INPP5J: variants seen among roughly 807,000 people sequenced by gnomAD.
INPP5J encodes the protein phosphatidylinositol 4,5-bisphosphate 5-phosphatase A.
Under a neutral mutation model 86.6 loss-of-function variants are expected in INPP5J, and 75 were observed. The observed-to-expected ratio is 0.87, with a 90% confidence interval of 0.72 to 1.05. INPP5J has a LOEUF of 1.05. INPP5J is among the 50% of genes least tolerant of loss of function. The probability of loss-of-function intolerance (pLI) is 0.00; values close to 1 mark genes in which losing one functional copy is unlikely to be tolerated. For synonymous variants in INPP5J, 540 were observed against 550.0 expected (o/e 0.98, Z 0.25); for missense variants, 1,229 against 1,341.2 (o/e 0.92, Z 1.31).
At position 31,123,001 on chromosome 22, in the gene INPP5J, C is replaced by CG. The variant is rs987706011; in HGVS notation, c.-9dup. ...CCGGAGCCAAGGGAGTCCAGGCTGC[C>CG]GGGGGCTGCAGACATGGAGGGCCAG... is the stretch of plus-strand genomic sequence containing the variant. On this transcript the variant is annotated 5_prime_UTR_variant, in exon 1 of 13. Transcript: ENST00000331075. 7.0e-7 allele frequency: 1 copy of CG among 1,425,666 alleles called. No homozygotes were observed. Among genetic ancestry groups the CG allele is most frequent in the Non-Finnish European group, 9.2e-7 (1 of 1,088,596 alleles). 88.3% of individuals were successfully genotyped at this position (1,425,666 alleles called of 1,614,324 possible). A position where few individuals can be genotyped will look rare whatever the true frequency, so the allele number is the denominator to read the frequency against.
intron 10 of INPP5J, 67 bp downstream of exon 10, chr22:31,133,302 T>C: frequency 1.9e-6 from 3 of 1,601,214 alleles, no homozygotes; most frequent in Non-Finnish European, 2.6e-6. Context: ...CTGAACAGCA[T>C]GGTGGGGTCA....
intron 9 of INPP5J, among the ~76,000 whole-genome samples, chr22:31,129,244 T>TTTTTTTTC (rs1569288523): frequency 2.2e-5 from 3 of 138,480 alleles, no homozygotes; most frequent in Non-Finnish European, 4.7e-5. Flanking sequence ...TTTTTTTTTT[T>TTTTTTTTC]TTTTTTTTTC....
chr22:31,129,529 TG>T (rs1285612743), intron 9 of INPP5J, among the ~76,000 whole-genome samples: 2 of 140,066 alleles, frequency 1.4e-5, no homozygotes, highest in Non-Finnish European at 1.5e-5. Flanking sequence ...CATGAGCCAC[TG>T]TGCCCGGCGC....
At chr22:31,123,465 G>C (rs1047840686) in intron 1 of INPP5J, among the ~76,000 whole-genome samples, 1 of 152,154 alleles carries the variant, frequency 6.6e-6, no homozygotes, top group African/African-American at 2.4e-5. Context: ...GACTAAAACT[G>C]TGACATCTGG....
At position 31,125,210 on chromosome 22, in the gene INPP5J, C is replaced by T. The variant is rs1921258040; in HGVS notation, c.471C>T (p.Pro157=). The T allele has an allele frequency of 1.3e-6, 2 of 1,550,402 alleles. No homozygotes were observed. Among genetic ancestry groups the T allele is most frequent in the East Asian group, 2.4e-5 (1 of 40,918 alleles). Residue 157 remains proline (P), a synonymous_variant, in exon 2 of 13, where the codon CCC becomes CCT. Coordinates refer to ENST00000331075, the MANE Select transcript of INPP5J (RefSeq NM_001284285.2). ...GPRSPPVTLG[P]NLAPTSRDQK... Reference sequence around the variant, plus strand: ...GATCTCCCCCAGTCACCCTGGGGCCCAATCTGGCCCCAACCTCCAGAGACC... The same window carrying T: ...GATCTCCCCCAGTCACCCTGGGGCCTAATCTGGCCCCAACCTCCAGAGACC...
chr22:31,124,777 C>T, intron 1 of INPP5J, 68 bp from the exon 2 acceptor site: 1 of 1,358,150 alleles, frequency 7.4e-7, no homozygotes, highest in Non-Finnish European at 1.0e-6. Context: ...CTGCCAGGGT[C>T]TATATGGAAG....
rs776311366 is a variant in INPP5J, at chr22:31,133,596, C to G, written c.2410-14C>G. 1 of 1,605,546 alleles carries G rather than the reference C, an allele frequency of 6.2e-7. No individual in the cohort carries two copies. The highest frequency in any genetic ancestry group is 8.5e-7 in the Non-Finnish European group (1 of 1,174,488). On this transcript the variant is annotated splice_polypyrimidine_tract_variant and intron_variant, in intron 11 of 12. Coordinates refer to ENST00000331075, the MANE Select transcript of INPP5J (RefSeq NM_001284285.2). ...CTGACCCCCAACTTAGGCTTATACC[C>G]CTGGGCCTACCAGGTAACATTCAGT...
chr22:31,126,299 C>T, intron 2 of INPP5J, 77 bp from the exon 3 acceptor site: 1 of 1,247,616 alleles, frequency 8.0e-7, no homozygotes, highest in Non-Finnish European at 1.1e-6. Flanking sequence ...TTTAGTTCCC[C>T]AGGGAGTCCT....
rs1238230823 is a variant in INPP5J, at chr22:31,123,070, G to T, written c.56G>T (p.Gly19Val). Residue 19 changes from glycine (G) to valine (V), a missense_variant, in exon 1 of 13, where the codon GGT becomes GTT. Physicochemically the swap from Gly to Val is moderately radical, Grantham distance 109. Coordinates refer to ENST00000331075, the MANE Select transcript of INPP5J (RefSeq NM_001284285.2). ...SRRPGTRAGL[G>V]SLPMPQGVAQ... Reference sequence around the variant, plus strand: ...AGGCCAGGGACCCGGGCTGGCCTGGGTTCCCTGCCCATGCCCCAGGGTGTT... The same window carrying T: ...AGGCCAGGGACCCGGGCTGGCCTGGTTTCCCTGCCCATGCCCCAGGGTGTT... The T allele has an allele frequency of 6.7e-7, 1 of 1,484,912 alleles. No homozygotes were observed. Among genetic ancestry groups the T allele is most frequent in the Non-Finnish European group, 8.9e-7 (1 of 1,120,802 alleles). 92.0% of individuals were successfully genotyped at this position (1,484,912 alleles called of 1,614,324 possible).
At position 31,128,165 on chromosome 22, in the gene INPP5J, C is replaced by T. The variant is rs144746268; in HGVS notation, c.1900-49C>T. ...ACCTGCCCCACCCCCTCCCTGGGCA[C>T]AGCAGAGCCCAAGCTGTTGTCCAAT... On this transcript the variant is annotated intron_variant, in intron 7 of 12. Coordinates refer to ENST00000331075, the MANE Select transcript of INPP5J (RefSeq NM_001284285.2). The T allele has an allele frequency of 7.5e-3, 11,041 of 1,479,910 alleles. 61 individuals carry two copies. The highest frequency in any genetic ancestry group is 0.013 in the Middle Eastern group (73 of 5,824). 91.7% of individuals were successfully genotyped at this position (1,479,910 alleles called of 1,614,324 possible).
chr22:31,128,282 C>T lies in INPP5J; in HGVS notation c.1968C>T (p.Pro656=), dbSNP rs867686262. ...AGGAGGGGCCCCTCAACTTCGCTCC[C>T]ACCTTCAAGTTTGATGTGGGTACCA... ...GFQEGPLNFA[P]TFKFDVGTNK... is the part of the protein sequence containing the mutation. Residue 656 remains proline, a synonymous_variant, in exon 8 of 13, where the codon CCC becomes CCT. Coordinates refer to ENST00000331075, the MANE Select transcript of INPP5J (RefSeq NM_001284285.2). The T allele has an allele frequency of 7.5e-6, 12 of 1,599,958 alleles. No individual in the cohort carries two copies. Among genetic ancestry groups the T allele is most frequent in the African/African-American group, 2.7e-5 (2 of 74,618 alleles).
chr22:31,128,263 G>A lies in INPP5J; in HGVS notation c.1949G>A (p.Gly650Glu), dbSNP rs199758989. The A allele has an allele frequency of 6.8e-4, 1,088 of 1,602,024 alleles. 4 individuals carry two copies. Among genetic ancestry groups the A allele is most frequent in the South Asian group, 1.4e-3 (128 of 88,944 alleles). ...TWPILKGFQE[G>E]PLNFAPTFKF... ...CCCATTCTGAAGGGCTTTCAGGAGGGGCCCCTCAACTTCGCTCCCACCTTC... is the reference window on the plus strand; with the variant it reads ...CCCATTCTGAAGGGCTTTCAGGAGGAGCCCCTCAACTTCGCTCCCACCTTC... The change falls in exon 8 of 13, where the codon GGG (glycine) becomes GAG (glutamate). Residue 650 changes from glycine to glutamate, a missense_variant. By Grantham distance (98) the Gly-to-Glu change is moderately conservative (BLOSUM62 -2). Coordinates refer to ENST00000331075, the MANE Select transcript of INPP5J (RefSeq NM_001284285.2).
intron 9 of INPP5J, among the ~76,000 whole-genome samples, chr22:31,131,579 T>A (rs1486099504): frequency 2.0e-5 from 3 of 150,618 alleles, no homozygotes; most frequent in Non-Finnish European, 3.0e-5. Flanking sequence ...AAAAAAAAAA[T>A]TCCCATTGAG....
chr22:31,126,746 C>T (rs2147873898), intron 4 of INPP5J, 25 bp downstream of exon 4: 1 of 1,577,952 alleles, frequency 6.3e-7, no homozygotes, highest in Non-Finnish European at 8.7e-7. Context: ...ACCCCCTGGA[C>T]AGCCAGAGAC....
Position 31,126,999 on chromosome 22 carries a change from CA to C in INPP5J, c.1574del (p.Gln525ArgfsTer19), listed in dbSNP as rs750836301. On this transcript the variant is annotated frameshift_variant, in exon 5 of 13. Coordinates refer to ENST00000331075, the MANE Select transcript of INPP5J (RefSeq NM_001284285.2). LOFTEE classifies it high-confidence loss of function. ...YYHLPFLRDVQTDCTRTGLGG... is the reference protein window; with the variant it reads ...YYHLPFLRDVXTDCTRTGLGG... ...CCACCTGCCCTTCCTGCGAGACGTG[CA>C]GACCGACTGCACGCGCACTGGCCTG... 5 of 1,608,540 alleles carry C rather than the reference CA, an allele frequency of 3.1e-6. No individual in the cohort carries two copies. In the South Asian group the frequency reaches 3.3e-5, roughly 11 times the overall value.
chr22:31,134,319 G>C lies in INPP5J; in HGVS notation c.2921G>C (p.Gly974Ala), dbSNP rs1466538320. 1 of 1,553,140 alleles carries C rather than the reference G, an allele frequency of 6.4e-7. No homozygotes were observed. Among genetic ancestry groups the C allele is most frequent in the Non-Finnish European group, 8.7e-7 (1 of 1,149,732 alleles). ...LRLETVDPGG[G>A]GSWGPDREAL... ...CTAGAGACTGTAGACCCTGGTGGTGGTGGCTCCTGGGGACCTGATCGGGAG... is the reference window on the plus strand; with the variant it reads ...CTAGAGACTGTAGACCCTGGTGGTGCTGGCTCCTGGGGACCTGATCGGGAG... The change falls in exon 13 of 13, where the codon GGT becomes GCT. Residue 974 changes from glycine to alanine, a missense_variant. Gly to Ala is a moderately conservative substitution (Grantham distance 60). Transcript: ENST00000331075.
Position 31,123,054 on chromosome 22 carries a change from A to G in INPP5J, c.40A>G (p.Thr14Ala). 2 of 1,480,620 alleles carry G rather than the reference A, an allele frequency of 1.4e-6. No individual in the cohort carries two copies. Among genetic ancestry groups the G allele is most frequent in the Non-Finnish European group, 1.8e-6 (2 of 1,118,726 alleles). 91.7% of individuals were successfully genotyped at this position (1,480,620 alleles called of 1,614,324 possible). A position where few individuals can be genotyped will look rare whatever the true frequency, so the allele number is the denominator to read the frequency against. Residue 14 changes from threonine (T) to alanine (A), a missense_variant, in exon 1 of 13, where the codon ACC becomes GCC. Thr to Ala is a moderately conservative substitution (Grantham distance 58). Coordinates refer to ENST00000331075, the MANE Select transcript of INPP5J (RefSeq NM_001284285.2). ...CAGCAGGGGCAGCAGGAGGCCAGGGACCCGGGCTGGCCTGGGTTCCCTGCC... is the reference window on the plus strand; with the variant it reads ...CAGCAGGGGCAGCAGGAGGCCAGGGGCCCGGGCTGGCCTGGGTTCCCTGCC... ...QSSRGSRRPG[T>A]RAGLGSLPMP...
chr22:31,128,525 T>C lies in INPP5J; in HGVS notation c.2064T>C (p.Ala688=), dbSNP rs746979024. 1.2e-6 allele frequency: 2 copies of C among 1,613,242 alleles called. No individual in the cohort carries two copies. Among genetic ancestry groups the C allele is most frequent in the East Asian group, 4.5e-5 (2 of 44,850 alleles). The change falls in exon 9 of 13, where the codon GCT becomes GCC. Residue 688 remains alanine (A), a synonymous_variant. Transcript: ENST00000331075. ...WTDRILWKVK[A]PGGGPSPSGR... ...ACCGTATCCTATGGAAGGTCAAGGC[T>C]CCAGGTGGGGGTCCCAGCCCCTCAG...
chr22:31,134,009 C>T lies in INPP5J; in HGVS notation c.2611C>T (p.Pro871Ser). The T allele has an allele frequency of 6.2e-7, 1 of 1,610,946 alleles. No homozygotes were observed. The highest frequency in any genetic ancestry group is 8.5e-7 in the Non-Finnish European group (1 of 1,179,080). Residue 871 changes from proline (P) to serine (S), a missense_variant, in exon 13 of 13, where the codon CCC (proline) becomes TCC (serine). Pro to Ser is a moderately conservative substitution (Grantham distance 74). Transcript: ENST00000331075. ...EDDSTLELLA[P>S]KSRSPSPGKS... Reference sequence around the variant, plus strand: ...TGACAGCACACTGGAGCTCCTTGCACCCAAGTCCCGCAGCCCCAGTCCTGG... The same window carrying T: ...TGACAGCACACTGGAGCTCCTTGCATCCAAGTCCCGCAGCCCCAGTCCTGG...
Sources: allele counts gnomAD v4.1 joint callset (sites outside exome capture counted in the v4.1 genomes callset), GRCh38; gene constraint gnomAD v4.1.1; transcripts MANE v1.5; gene names NCBI Gene and HGNC (gene_info 2026-07-23, HGNC 2026-07-21).